Variants in NSRP1 observed in about 807,000 individuals in gnomAD.
NSRP1 encodes nuclear speckle splicing regulatory protein 1.
NSRP1 carries 24 observed loss-of-function variants against 54.7 expected under a neutral mutation model. That is an observed-to-expected ratio of 0.44 (90% CI 0.32 to 0.62). The LOEUF (loss-of-function observed/expected upper bound fraction) is 0.62, where lower values mean the gene tolerates loss of function less well. Among genes scored for constraint, NSRP1 ranks in the 20% least tolerant of loss-of-function variants. The pLI is 0.06. For missense variants in NSRP1, 596 were observed against 651.2 expected, an observed-to-expected ratio of 0.92 and a Z score of 0.92; for synonymous variants, 210 against 213.8, an observed-to-expected ratio of 0.98 and a Z score of 0.15.
chr17:30,152,183 C>T (rs1004536932), intron 2 of NSRP1, among the ~76,000 whole-genome samples: 43 of 151,960 alleles, frequency 2.8e-4, no homozygotes, highest in Admixed American at 2.8e-3. Context: ...AGTGCAGTGG[C>T]GCGATCTCGG....
At chr17:30,178,233 C>T in intron 4 of NSRP1, 34 bp downstream of exon 4, 3 of 1,580,256 alleles carry the variant, frequency 1.9e-6, no homozygotes, top group Non-Finnish European at 1.7e-6. Flanking sequence ...TTTCTTTGAC[C>T]TTGACCTACA....
Position 30,184,854 on chromosome 17 carries a change from A to G in NSRP1, c.857A>G (p.Gln286Arg). The change falls in exon 7 of 7, where the codon CAA becomes CGA. Residue 286 changes from glutamine to arginine, a missense_variant. Physicochemically the swap from Gln to Arg is conservative, Grantham distance 43 (BLOSUM62 1). Coordinates refer to ENST00000247026, the MANE Select transcript of NSRP1 (RefSeq NM_032141.4). ...PENDFKHHRSQNHSRSPSEER... is the reference protein window; with the variant it reads ...PENDFKHHRSRNHSRSPSEER... ...AATGACTTCAAGCACCACAGGAGTC[A>G]AAACCACTCTCGGTCACCTAGTGAA... 2 of 1,614,198 alleles carry G rather than the reference A, an allele frequency of 1.2e-6. No individual in the cohort carries two copies. The highest frequency in any genetic ancestry group is 1.7e-6 in the Non-Finnish European group (2 of 1,180,040).
intron 6 of NSRP1, among the ~76,000 whole-genome samples, chr17:30,182,048 CTTTTTTTTTTTTT>C (rs10549815): frequency 5.1e-5 from 5 of 98,328 alleles, no homozygotes; most frequent in African/African-American, 1.6e-4. Context: ...CACCTGGCTG[CTTTTTTTTTTTTT>C]TTTTTTTTTT....
intron 2 of NSRP1, chr17:30,127,825 A>G: frequency 2.5e-6 from 1 of 392,986 alleles, no homozygotes; most frequent in Non-Finnish European, 4.5e-6. Flanking sequence ...TTTAATTTAC[A>G]TTACTTATTA....
At position 30,184,944 on chromosome 17, in the gene NSRP1, G is replaced by C. The variant is rs761320116; in HGVS notation, c.947G>C (p.Arg316Thr). The change falls in exon 7 of 7, where the codon AGG becomes ACG. Residue 316 changes from arginine (R) to threonine (T), a missense_variant. Transcript: ENST00000247026. ...CGAACGTCGAGAGGACATGAGAAAA[G>C]GGAAGATCAGCACCAGCAGAAGCAA... ...GSRTSRGHEKREDQHQQKQSR... is the reference protein window; with the variant it reads ...GSRTSRGHEKTEDQHQQKQSR... 1 of 1,613,948 alleles carries C rather than the reference G, an allele frequency of 6.2e-7. No individual in the cohort carries two copies.
Position 30,116,876 on chromosome 17 carries a change from G to T in NSRP1, c.20+13G>T. 6.4e-7 allele frequency: 1 copy of T among 1,571,380 alleles called. No individual in the cohort carries two copies. Among genetic ancestry groups the T allele is most frequent in the Non-Finnish European group, 8.6e-7 (1 of 1,157,802 alleles). On this transcript the variant is annotated intron_variant, in intron 1 of 6. Coordinates refer to ENST00000247026, the MANE Select transcript of NSRP1 (RefSeq NM_032141.4). ...TTCCGGGCAGGCAGTGAGTGATCCG[G>T]GAGTTAGGGTCAGGCTGGGGGATGA...
intron 5 of NSRP1, among the ~76,000 whole-genome samples, chr17:30,180,370 G>T (rs949531938): frequency 2.0e-5 from 3 of 151,882 alleles, no homozygotes; most frequent in Admixed American, 2.0e-4. Context: ...TGGCCAGGTT[G>T]GTCTCGAACT....
chr17:30,117,369 A>G (rs903723396), intron 1 of NSRP1: 3 of 521,260 alleles, frequency 5.8e-6, no homozygotes, highest in South Asian at 2.9e-5. Context: ...CGTTGCCGCA[A>G]AAGAGACAAA....
At chr17:30,171,016 C>T (rs1447120452) in intron 2 of NSRP1, among the ~76,000 whole-genome samples, 1 of 152,104 alleles carries the variant, frequency 6.6e-6, no homozygotes, top group Non-Finnish European at 1.5e-5. Context: ...ATTTACATTT[C>T]CCTGATGATT....
Position 30,185,158 on chromosome 17 carries a change from T to C in NSRP1, c.1161T>C (p.Tyr387=). 1.3e-6 allele frequency: 2 copies of C among 1,586,938 alleles called. No homozygotes were observed. The highest frequency in any genetic ancestry group is 1.7e-6 in the Non-Finnish European group (2 of 1,166,396). Residue 387 remains tyrosine (Y), a synonymous_variant, in exon 7 of 7, where the codon TAT becomes TAC. Transcript: ENST00000247026. ...VWKREKDREK[Y]SQREQERDRQ... is the part of the protein sequence containing the mutation. ...AAAGGGAGAAAGATAGGGAGAAATA[T>C]TCCCAAAGAGAACAAGAAAGAGATA...
At chr17:30,184,067 T>C (rs1905415796) in intron 6 of NSRP1, among the ~76,000 whole-genome samples, 1 of 152,116 alleles carries the variant, frequency 6.6e-6, no homozygotes, top group Non-Finnish European at 1.5e-5. Context: ...CTGGGCATGG[T>C]GGTGCAGGCC....
chr17:30,155,184 G>T (rs1216532714), intron 2 of NSRP1, among the ~76,000 whole-genome samples: 2 of 152,042 alleles, frequency 1.3e-5, no homozygotes, highest in African/African-American at 4.8e-5. Context: ...CGGGCATGTG[G>T]TGCATAATAT....
chr17:30,158,786 A>C (rs763763641), intron 2 of NSRP1, among the ~76,000 whole-genome samples: 1 of 151,942 alleles, frequency 6.6e-6, no homozygotes, highest in Non-Finnish European at 1.5e-5. Flanking sequence ...ATGTGGATTT[A>C]TTTCTGGATT....
chr17:30,152,114 T>A (rs1260418101), intron 2 of NSRP1, among the ~76,000 whole-genome samples: 1 of 151,204 alleles, frequency 6.6e-6, no homozygotes, highest in Non-Finnish European at 1.5e-5. Context: ...TTTATTTTGA[T>A]GAGATTTGAA....
intron 2 of NSRP1, among the ~76,000 whole-genome samples, chr17:30,131,754 G>C (rs1045598466): frequency 2.0e-5 from 3 of 151,958 alleles, no homozygotes; most frequent in African/African-American, 2.4e-5. Context: ...TGCATTGATC[G>C]ACTCTTCCTT....
At chr17:30,147,433 CTTTTG>C (rs903648560) in intron 2 of NSRP1, among the ~76,000 whole-genome samples, 1 of 150,172 alleles carries the variant, frequency 6.7e-6, no homozygotes, top group Admixed American at 6.6e-5. Flanking sequence ...CTCGGCCAGA[CTTTTG>C]TTTGTTTGGT....
chr17:30,139,861 A>G (rs992251499), intron 2 of NSRP1, among the ~76,000 whole-genome samples: 6 of 152,134 alleles, frequency 3.9e-5, no homozygotes, highest in African/African-American at 1.4e-4. Context: ...TGTCTCTACT[A>G]AAAATACAAA....
chr17:30,131,140 T>C (rs910059941), intron 2 of NSRP1, among the ~76,000 whole-genome samples: 2 of 152,256 alleles, frequency 1.3e-5, no homozygotes, highest in African/African-American at 4.8e-5. Context: ...TGTCTTTTTC[T>C]CTCTACTAAG....
At chr17:30,121,130 A>T (rs914442266) in intron 2 of NSRP1, among the ~76,000 whole-genome samples, 1 of 152,180 alleles carries the variant, frequency 6.6e-6, no homozygotes, top group Non-Finnish European at 1.5e-5. Context: ...TTGTAACAGG[A>T]TTGGGCCAGA....
Sources: gnomAD v4.1 joint callset for allele counts (sites outside exome capture counted in the v4.1 genomes callset) on GRCh38, gnomAD v4.1.1 for gene constraint, MANE v1.5 for transcripts, NCBI Gene and HGNC (gene_info 2026-07-23, HGNC 2026-07-21) for gene names.